Variants in SRGAP1 observed in about 807,000 individuals in gnomAD.
SRGAP1 encodes the protein SLIT-ROBO Rho GTPase-activating protein 1.
In SRGAP1, 43 loss-of-function variants were observed where a neutral mutation model predicts 121.9. The observed-to-expected ratio is 0.35, with a 90% CI of 0.28 to 0.46. The LOEUF (loss-of-function observed/expected upper bound fraction) is 0.46, where lower values mean the gene tolerates loss of function less well. SRGAP1 is among the 20% of genes least tolerant of loss of function. SRGAP1 has a pLI of 1.00. For missense variants in SRGAP1, 1,102 were observed against 1,350.9 expected, an observed-to-expected ratio of 0.82 and a Z score of 2.89; for synonymous variants, 447 against 485.4, an observed-to-expected ratio of 0.92 and a Z score of 1.04.
chr12:64,038,895 A>G (rs2034953076), intron 4 of SRGAP1: 1 of 152,226 alleles, frequency 6.6e-6, no homozygotes, highest in Admixed American at 6.5e-5. Flanking sequence ...TTGGTATGCA[A>G]AGGCTTGTGT....
intron 1 of SRGAP1, among the ~76,000 whole-genome samples, chr12:63,927,357 C>T (rs1384640052): frequency 2.0e-5 from 3 of 152,132 alleles, no homozygotes; most frequent in Non-Finnish European, 2.9e-5. Flanking sequence ...CCCTAGCTGG[C>T]CCGGATTAGG....
At chr12:63,977,527 G>T (rs1332199667) in intron 1 of SRGAP1, among the ~76,000 whole-genome samples, 1 of 152,186 alleles carries the variant, frequency 6.6e-6, no homozygotes, top group East Asian at 1.9e-4. Context: ...GTATCAGTTT[G>T]TGGCTTCACA....
chr12:64,063,075 G>C lies in SRGAP1; in HGVS notation c.960G>C (p.Glu320Asp). The C allele has an allele frequency of 6.2e-7, 1 of 1,614,138 alleles. No homozygotes were observed. The highest frequency in any genetic ancestry group is 8.5e-7 in the Non-Finnish European group (1 of 1,180,008). ...EPRSDKQRFM[E>D]MYPAAFCPPM... ...GGAGCGATAAGCAGAGATTCATGGA[G>C]ATGTACCCTGCTGCGTTCTGTCCAC... Residue 320 changes from glutamate to aspartate, a missense_variant, in exon 7 of 22, where the codon GAG (glutamate) becomes GAC (aspartate). Glu to Asp is a conservative substitution (Grantham distance 45). Transcript: ENST00000355086.
intron 1 of SRGAP1, among the ~76,000 whole-genome samples, chr12:63,865,769 T>G (rs572316260): frequency 6.6e-6 from 1 of 152,316 alleles, no homozygotes; most frequent in Admixed American, 6.5e-5. Flanking sequence ...CAGTTTTCGG[T>G]GCATCTCATC....
chr12:64,082,738 G>A (rs1288710476), intron 10 of SRGAP1, among the ~76,000 whole-genome samples: 7 of 152,126 alleles, frequency 4.6e-5, no homozygotes, highest in Admixed American at 6.5e-5. Flanking sequence ...ATGGGCCACC[G>A]TGCCCAGCTC....
At chr12:64,085,696 A>T (rs1278142527) in intron 10 of SRGAP1, among the ~76,000 whole-genome samples, 3 of 152,172 alleles carry the variant, frequency 2.0e-5, no homozygotes, top group Non-Finnish European at 4.4e-5. Flanking sequence ...GCTATAAATT[A>T]TTCTGAAGTT....
rs12827044 is a variant in SRGAP1 at position 64,007,028 on chromosome 12, C to A, written c.427-9922C>A. ...CAGACATGGATTTGGACTGACTCCA[C>A]CAAACAGGGCAATCACAAGTGATTA... On this transcript the variant is annotated intron_variant, in intron 3 of 21. Coordinates refer to ENST00000355086, the MANE Select transcript of SRGAP1 (RefSeq NM_020762.4). Among the ~76,000 whole-genome samples, 221 of 152,220 alleles carry A rather than the reference C, an allele frequency of 1.5e-3. 1 individual carries two copies. The highest frequency in any genetic ancestry group is 2.7e-3 in the Non-Finnish European group (181 of 68,006).
At chr12:64,128,288 T>G (rs924054833) in intron 21 of SRGAP1, 88 bp downstream of exon 21, 4 of 1,226,582 alleles carry the variant, frequency 3.3e-6, no homozygotes, top group Non-Finnish European at 4.4e-6. Flanking sequence ...ACTTTTTACT[T>G]TATTTACTTT....
At chr12:63,913,825 T>A (rs191958721) in intron 1 of SRGAP1, among the ~76,000 whole-genome samples, 57 of 152,248 alleles carry the variant, frequency 3.7e-4, no homozygotes, top group African/African-American at 1.3e-3. Context: ...TGGAATCTAA[T>A]AATAAAAATT....
At chr12:63,866,658 T>C (rs1420312255) in intron 1 of SRGAP1, among the ~76,000 whole-genome samples, 1 of 151,984 alleles carries the variant, frequency 6.6e-6, no homozygotes, top group Non-Finnish European at 1.5e-5. Flanking sequence ...TTTATATTTA[T>C]AATAGTTAAT....
intron 1 of SRGAP1, among the ~76,000 whole-genome samples, chr12:63,962,876 T>C (rs1227758438): frequency 6.6e-6 from 1 of 152,212 alleles, no homozygotes; most frequent in Non-Finnish European, 1.5e-5. Flanking sequence ...TTTGAAGACT[T>C]AGTATAAGAA....
rs1003890770 is a variant in SRGAP1 at position 64,151,098 on chromosome 12, T to C, written c.*8426T>C. ...AGAAATTTTAAGTAAGCCAAAAATC[T>C]ATTATATAGTCATAAGTCAAACTCA... On this transcript the variant is annotated 3_prime_UTR_variant, in exon 22 of 22. Coordinates refer to ENST00000355086, the MANE Select transcript of SRGAP1 (RefSeq NM_020762.4). The C allele has an allele frequency of 6.6e-6, 1 of 152,112 alleles. No homozygotes were observed. The highest frequency in any genetic ancestry group is 1.5e-5 in the Non-Finnish European group (1 of 68,032). The allele number at this position is 152,112 out of a possible 1,614,324, so 9.4% of individuals were successfully genotyped here.
At chr12:64,089,854 A>G (rs1056283051) in intron 11 of SRGAP1, among the ~76,000 whole-genome samples, 4 of 152,204 alleles carry the variant, frequency 2.6e-5, no homozygotes, top group Non-Finnish European at 5.9e-5. Flanking sequence ...GGAAGGCTGT[A>G]CCAGTAGGTT....
chr12:64,158,454 AC>A lies in SRGAP1; in HGVS notation c.*15785del. 6.6e-6 allele frequency: 1 copy of A among 152,280 alleles called. No homozygotes were observed. The highest frequency in any genetic ancestry group is 2.1e-4 in the South Asian group (1 of 4,820). 9.4% of individuals were successfully genotyped at this position (152,280 alleles called of 1,614,324 possible). On this transcript the variant is annotated 3_prime_UTR_variant, in exon 22 of 22. Transcript: ENST00000355086. ...CCCAACACATCGGGTGCTAAAGTCT[AC>A]CCTCTTAGTTGACATAGAATTAAAT...
intron 8 of SRGAP1, among the ~76,000 whole-genome samples, chr12:64,066,561 G>C (rs922384255): frequency 1.3e-5 from 2 of 152,138 alleles, no homozygotes; most frequent in Non-Finnish European, 2.9e-5. Flanking sequence ...ATCCCACCAA[G>C]ATGTTTGAGC....
intron 1 of SRGAP1, among the ~76,000 whole-genome samples, chr12:63,876,812 T>A (rs747512792): frequency 2.0e-5 from 3 of 152,250 alleles, no homozygotes; most frequent in Non-Finnish European, 2.9e-5. Flanking sequence ...ATAGTTTATA[T>A]CATTTTGGTT....
In SRGAP1 at chr12:64,063,134, A is replaced by G. The variant is rs1436907399; in HGVS notation, c.1019A>G (p.Asp340Gly). 1 of 1,611,300 alleles carries G rather than the reference A, an allele frequency of 6.2e-7. No individual in the cohort carries two copies. Among genetic ancestry groups the G allele is most frequent in the African/African-American group, 1.3e-5 (1 of 74,882 alleles). The change falls in exon 7 of 22, where the codon GAT becomes GGT. Residue 340 changes from aspartate to glycine, a missense_variant. Physicochemically the swap from Asp to Gly is moderately conservative, Grantham distance 94. This residue lies in a region of SRGAP1 where 747 missense variants were observed against 929.4 expected (regional missense o/e 0.80). Transcript: ENST00000355086. ...TTTGAGTTTCAGTCTCACATGGGTG[A>G]TGAGGTCAGTAATTGATCATTTTTA... ...MKFEFQSHMG[D>G]EVCQVSAQQP... is the part of the protein sequence containing the mutation.
rs570358017 is a variant in SRGAP1, at chr12:63,937,605, T to G, written c.68-46342T>G. On this transcript the variant is annotated intron_variant, in intron 1 of 21. Transcript: ENST00000355086. ...GCTTGATATCCTCTTCAAAGACTGA[T>G]CTCCCTTAGGACTAAGACAGGAAAA... Among the ~76,000 whole-genome samples the G allele has an allele frequency of 3.3e-5, 5 of 152,316 alleles. No homozygotes were observed. The East Asian group carries it at 9.7e-4, about 29-fold the overall frequency.
intron 1 of SRGAP1, among the ~76,000 whole-genome samples, chr12:63,848,847 C>CT (rs1182764958): frequency 1.3e-5 from 2 of 151,878 alleles, no homozygotes; most frequent in African/African-American, 4.8e-5. Flanking sequence ...TTTGCTTTCA[C>CT]TTTTTTTTCA....
Sources: gnomAD v4.1 joint callset for allele counts (sites outside exome capture counted in the v4.1 genomes callset) on GRCh38, gnomAD v4.1.1 for gene constraint, gnomAD v4.1.1 regional missense constraint, MANE v1.5 for transcripts, NCBI Gene and HGNC (gene_info 2026-07-23, HGNC 2026-07-21) for gene names.